The following CDYL2 variants were observed in gnomAD, a reference collection of about 807,000 sequenced individuals.
CDYL2 encodes chromodomain Y like 2.
A neutral mutation model predicts 49.4 loss-of-function variants in CDYL2; 23 were observed. That is an observed-to-expected ratio of 0.47 (90% CI 0.34 to 0.66). CDYL2 has a LOEUF of 0.66. Among genes scored for constraint, CDYL2 ranks in the 30% least tolerant of loss-of-function variants. The probability of loss-of-function intolerance (pLI) is 0.01; values close to 1 mark genes in which losing one functional copy is unlikely to be tolerated. For missense variants in CDYL2, 678 were observed against 656.4 expected (o/e 1.03, Z -0.36); for synonymous variants, 360 against 268.8 (o/e 1.34, Z -3.32).
intron 1 of CDYL2, among the ~76,000 whole-genome samples, chr16:80,754,825 C>A (rs1906254437): frequency 6.6e-6 from 1 of 152,086 alleles, no homozygotes; most frequent in African/African-American, 2.4e-5. Flanking sequence ...AATTAATAAA[C>A]TGGGAAATCA....
intron 4 of CDYL2, among the ~76,000 whole-genome samples, chr16:80,618,634 T>C (rs1236083208): frequency 2.0e-5 from 3 of 152,124 alleles, no homozygotes; most frequent in Non-Finnish European, 4.4e-5. Context: ...CTACAATACC[T>C]TATTCCTGCA....
chr16:80,642,199 T>A (rs1314248946), intron 2 of CDYL2, among the ~76,000 whole-genome samples: 1 of 152,160 alleles, frequency 6.6e-6, no homozygotes, highest in African/African-American at 2.4e-5. Context: ...TCCCAGCACT[T>A]TGGGAGGCCG....
chr16:80,685,167 G>C lies in CDYL2; in HGVS notation c.25-38C>G, dbSNP rs371460760. On this transcript the variant is annotated intron_variant, in intron 1 of 6. Coordinates refer to ENST00000570137, the MANE Select transcript of CDYL2 (RefSeq NM_152342.4). ...ATGAGAGGGTCAGAAAACAGAGAGA[G>C]AGGGAGGAAAAAACTCAGTTCGAGG... 5.2e-6 allele frequency: 8 copies of C among 1,533,984 alleles called. No individual in the cohort carries two copies. In the African/African-American group the frequency reaches 5.5e-5, roughly 11 times the overall value.
Position 80,804,164 on chromosome 16 carries a change from C to T in CDYL2, c.10G>A (p.Gly4Arg). ...CGTCCCCGTACCTCGTAAAGGTCCCCAGAAGCCATGCCAGGCTGCGGAACT... is the reference window on the plus strand; with the variant it reads ...CGTCCCCGTACCTCGTAAAGGTCCCTAGAAGCCATGCCAGGCTGCGGAACT... MAS[G>R]DLYEVERIVD... Residue 4 changes from glycine (G) to arginine (R), a missense_variant, in exon 1 of 7, where the codon GGG becomes AGG. Transcript: ENST00000570137. 2 of 1,306,298 alleles carry T rather than the reference C, an allele frequency of 1.5e-6. No individual in the cohort carries two copies. Among genetic ancestry groups the T allele is most frequent in the South Asian group, 1.4e-5 (1 of 71,212 alleles). The allele number at this position is 1,306,298 out of a possible 1,614,324, so 80.9% of individuals were successfully genotyped here.
rs142584540 is a variant in CDYL2, at chr16:80,715,250, A to G, written c.25-30121T>C. On this transcript the variant is annotated intron_variant, in intron 1 of 6. Coordinates refer to ENST00000570137, the MANE Select transcript of CDYL2 (RefSeq NM_152342.4). Reference sequence around the variant, plus strand: ...ACGTGGGCTCCACAGCACATGATACAGTTCTGTGTCCTTGGCACTGGCCTG... The same window carrying G: ...ACGTGGGCTCCACAGCACATGATACGGTTCTGTGTCCTTGGCACTGGCCTG... 7.9e-5 allele frequency among the ~76,000 whole-genome samples: 12 copies of G among 152,244 alleles called. No homozygotes were observed. The East Asian group carries it at 2.1e-3, about 27-fold the overall frequency.
At chr16:80,629,670 C>G (rs79094865) in intron 3 of CDYL2, among the ~76,000 whole-genome samples, 1 of 152,158 alleles carries the variant, frequency 6.6e-6, no homozygotes, top group Non-Finnish European at 1.5e-5. Flanking sequence ...ACAGCAAACC[C>G]ACTAGCTTCA....
intron 2 of CDYL2, among the ~76,000 whole-genome samples, chr16:80,662,194 G>T (rs966196420): frequency 6.6e-6 from 1 of 152,122 alleles, no homozygotes; most frequent in African/African-American, 2.4e-5. Context: ...CACATCTGGC[G>T]CTCTGAGTGA....
chr16:80,677,561 C>T (rs1265773993), intron 2 of CDYL2, among the ~76,000 whole-genome samples: 1 of 151,732 alleles, frequency 6.6e-6, no homozygotes, highest in Non-Finnish European at 1.5e-5. Flanking sequence ...CACGGTGAAA[C>T]CCCGTCTCTA....
At chr16:80,718,723 G>A (rs538185813) in intron 1 of CDYL2, among the ~76,000 whole-genome samples, 1 of 152,336 alleles carries the variant, frequency 6.6e-6, no homozygotes, top group Admixed American at 6.5e-5. Flanking sequence ...CAACAGACAC[G>A]TGGATAGTGG....
chr16:80,704,693 G>C (rs1055178178), intron 1 of CDYL2, among the ~76,000 whole-genome samples: 4 of 152,230 alleles, frequency 2.6e-5, no homozygotes, highest in Non-Finnish European at 5.9e-5. Flanking sequence ...GGAGCTCAGG[G>C]AGAAGGCAGT....
intron 1 of CDYL2, among the ~76,000 whole-genome samples, chr16:80,775,359 C>A (rs1012416021): frequency 3.3e-5 from 5 of 151,746 alleles, no homozygotes; most frequent in African/African-American, 1.2e-4. Context: ...TAACAAAAAT[C>A]TGTATATACA....
intron 1 of CDYL2, among the ~76,000 whole-genome samples, chr16:80,747,371 A>C (rs1466269161): frequency 6.6e-6 from 1 of 152,146 alleles, no homozygotes; most frequent in East Asian, 1.9e-4. Context: ...TCATTATTAA[A>C]AGGAGAATAA....
chr16:80,790,910 T>C (rs1689249484), intron 1 of CDYL2, among the ~76,000 whole-genome samples: 2 of 152,190 alleles, frequency 1.3e-5, no homozygotes, highest in Non-Finnish European at 2.9e-5. Flanking sequence ...TCCGGGAAGA[T>C]ACAGTCTCTG....
At chr16:80,757,553 A>T (rs2549736) in intron 1 of CDYL2, among the ~76,000 whole-genome samples, 38,088 of 143,188 alleles carry the variant, frequency 0.27, 8,528 homozygotes, top group African/African-American at 0.63. Context: ...AAAAAAAAAA[A>T]ATATATATAT....
At chr16:80,660,657 A>C (rs1462499851) in intron 2 of CDYL2, among the ~76,000 whole-genome samples, 1 of 152,250 alleles carries the variant, frequency 6.6e-6, no homozygotes, top group Non-Finnish European at 1.5e-5. Flanking sequence ...TGAACATATT[A>C]AACTCATATT....
intron 1 of CDYL2, among the ~76,000 whole-genome samples, chr16:80,714,840 G>A (rs1904741427): frequency 6.6e-6 from 1 of 152,110 alleles, no homozygotes. Context: ...CTCCATTTTT[G>A]GAGATCAAAT....
chr16:80,639,675 C>G (rs966651750), intron 2 of CDYL2: 5 of 455,762 alleles, frequency 1.1e-5, no homozygotes, highest in Middle Eastern at 3.4e-4. Flanking sequence ...CTCACAGGAC[C>G]CGGTTTTAAC....
intron 1 of CDYL2, among the ~76,000 whole-genome samples, chr16:80,782,088 G>C (rs1047950635): frequency 2.0e-5 from 3 of 151,518 alleles, no homozygotes; most frequent in Non-Finnish European, 4.4e-5. Flanking sequence ...GAAAATCAAA[G>C]AAACCAAAGT....
intron 2 of CDYL2, among the ~76,000 whole-genome samples, chr16:80,658,751 C>G (rs755656892): frequency 1.3e-5 from 2 of 152,090 alleles, no homozygotes; most frequent in Non-Finnish European, 2.9e-5. Flanking sequence ...CTATGTAGAT[C>G]CCACATGTTG....
Sources: gnomAD v4.1 joint callset for allele counts (sites outside exome capture counted in the v4.1 genomes callset) on GRCh38, gnomAD v4.1.1 for gene constraint, MANE v1.5 for transcripts, NCBI Gene and HGNC (gene_info 2026-07-23, HGNC 2026-07-21) for gene names.